Variants in TRIM38 observed in about 807,000 individuals in gnomAD.
TRIM38 encodes the protein E3 ubiquitin-protein ligase TRIM38.
TRIM38 carries 35 observed loss-of-function variants against 35.8 expected under a neutral mutation model. The ratio of observed to expected loss-of-function variants is 0.98; its 90% CI spans 0.75 to 1.30. The LOEUF (loss-of-function observed/expected upper bound fraction) is 1.30, where lower values mean the gene tolerates loss of function less well. Among genes scored for constraint, TRIM38 ranks in the 50% most tolerant of loss-of-function variants. The probability of loss-of-function intolerance (pLI) is 0.00; values close to 1 mark genes in which losing one functional copy is unlikely to be tolerated. For synonymous variants in TRIM38, 198 were observed against 204.7 expected, an observed-to-expected ratio of 0.97 and a Z score of 0.28; for missense variants, 545 against 556.9, an observed-to-expected ratio of 0.98 and a Z score of 0.21.
chr6:25,973,031 C>A, intron 5 of TRIM38, 23 bp from the exon 6 acceptor site: 2 of 1,614,074 alleles, frequency 1.2e-6, no homozygotes, highest in South Asian at 2.2e-5. Flanking sequence ...CCATGCTCAC[C>A]TTTTCTTTTT....
At position 25,969,422 on chromosome 6, in the gene TRIM38, T is replaced by C. The variant is rs762209733; in HGVS notation, c.507+2T>C. 6 of 1,604,632 alleles carry C rather than the reference T, an allele frequency of 3.7e-6. No homozygotes were observed. In the Admixed American group the frequency reaches 6.8e-5, roughly 18 times the overall value. On this transcript the variant is annotated splice_donor_variant, in intron 4 of 7. Coordinates refer to ENST00000357085, the MANE Select transcript of TRIM38 (RefSeq NM_006355.5). LOFTEE classifies it high-confidence loss of function. Reference sequence around the variant, plus strand: ...GCAATGCGAATAACTAAATGGAAAGTAAGAATCTGACTTCATTGATCTCAA... The same window carrying C: ...GCAATGCGAATAACTAAATGGAAAGCAAGAATCTGACTTCATTGATCTCAA...
Position 25,983,154 on chromosome 6 carries a change from T to G in TRIM38, c.875-10T>G. 6.5e-7 allele frequency: 1 copy of G among 1,546,664 alleles called. No homozygotes were observed. Among genetic ancestry groups the G allele is most frequent in the Non-Finnish European group, 8.7e-7 (1 of 1,148,564 alleles). On this transcript the variant is annotated splice_polypyrimidine_tract_variant and intron_variant, in intron 7 of 7. Coordinates refer to ENST00000357085, the MANE Select transcript of TRIM38 (RefSeq NM_006355.5). Reference sequence around the variant, plus strand: ...AAAATTATTTTTGTTTGTTTTGTTTTGTTTTGCAGTTAGTGTGACTCTGGA... The same window carrying G: ...AAAATTATTTTTGTTTGTTTTGTTTGGTTTTGCAGTTAGTGTGACTCTGGA...
intron 2 of TRIM38, among the ~76,000 whole-genome samples, chr6:25,963,576 G>C (rs747994122): frequency 1.3e-5 from 2 of 152,150 alleles, no homozygotes; most frequent in Admixed American, 6.5e-5. Flanking sequence ...TCTTGAGATA[G>C]GTCCTGTCCT....
chr6:25,977,364 T>C (rs1157002654), intron 7 of TRIM38, among the ~76,000 whole-genome samples: 1 of 152,160 alleles, frequency 6.6e-6, no homozygotes, highest in African/African-American at 2.4e-5. Context: ...GCAACAGAGC[T>C]AGACCCTGTC....
chr6:25,971,045 C>T (rs1235695185), intron 4 of TRIM38, among the ~76,000 whole-genome samples: 2 of 152,190 alleles, frequency 1.3e-5, no homozygotes, highest in African/African-American at 4.8e-5. Context: ...TATGGACCCT[C>T]TTACCAGCCT....
intron 7 of TRIM38, among the ~76,000 whole-genome samples, chr6:25,978,910 G>A (rs1760471473): frequency 6.6e-6 from 1 of 151,862 alleles, no homozygotes. Flanking sequence ...TCAAGTGATT[G>A]ACCCGCCTCA....
In TRIM38 at chr6:25,988,948, T is replaced by G. The variant is rs547310742; in HGVS notation, c.*5261T>G. 6.6e-6 allele frequency: 1 copy of G among 152,334 alleles called. No individual in the cohort carries two copies. Among genetic ancestry groups the G allele is most frequent in the East Asian group, 1.9e-4 (1 of 5,188 alleles). 9.4% of individuals were successfully genotyped at this position (152,334 alleles called of 1,614,324 possible). A position where few individuals can be genotyped will look rare whatever the true frequency, so the allele number is the denominator to read the frequency against. ...GGAGTGTGATTGGTGAATCTTATGG[T>G]AAAAGTATGGTTACTTTTGTAAGAA... On this transcript the variant is annotated 3_prime_UTR_variant, in exon 8 of 8. Coordinates refer to ENST00000357085, the MANE Select transcript of TRIM38 (RefSeq NM_006355.5).
In TRIM38 at chr6:25,983,677, C is replaced by T; in HGVS notation, c.1388C>T (p.Pro463Leu). ...YQYSPLFLPP[P>L]GD is the part of the protein sequence containing the mutation. ...TATTCTCCTTTGTTTCTGCCTCCCC[C>T]AGGTGACTAAGGAAAAGAGCAGAAG... Residue 463 changes from proline (P) to leucine (L), a missense_variant, in exon 8 of 8, where the codon CCA becomes CTA. Coordinates refer to ENST00000357085, the MANE Select transcript of TRIM38 (RefSeq NM_006355.5). 6.3e-7 allele frequency: 1 copy of T among 1,582,016 alleles called. No individual in the cohort carries two copies. Among genetic ancestry groups the T allele is most frequent in the Non-Finnish European group, 8.6e-7 (1 of 1,166,620 alleles).
chr6:25,980,911 T>C (rs1307265942), intron 7 of TRIM38, among the ~76,000 whole-genome samples: 1 of 152,240 alleles, frequency 6.6e-6, no homozygotes, highest in East Asian at 1.9e-4. Flanking sequence ...TACCACCCCG[T>C]AAACATTTTA....
rs1427448577 is a variant in TRIM38, at chr6:25,983,876, G to C, written c.*189G>C. ...TTAGCAACTAAAAATACCACAGATG[G>C]TTAACCTGGACTGGGGCAAAGCAAG... On this transcript the variant is annotated 3_prime_UTR_variant, in exon 8 of 8. Coordinates refer to ENST00000357085, the MANE Select transcript of TRIM38 (RefSeq NM_006355.5). 1 of 566,500 alleles carries C rather than the reference G, an allele frequency of 1.8e-6. No homozygotes were observed. The highest frequency in any genetic ancestry group is 3.0e-6 in the Non-Finnish European group (1 of 333,556). The allele number at this position is 566,500 out of a possible 1,614,324, so 35.1% of individuals were successfully genotyped here.
chr6:25,982,758 A>C (rs1044838710), intron 7 of TRIM38, among the ~76,000 whole-genome samples: 4 of 152,262 alleles, frequency 2.6e-5, no homozygotes, highest in Admixed American at 2.6e-4. Flanking sequence ...TATAAGAAAC[A>C]ATAGTTGGGT....
rs1018241511 is a variant in TRIM38 at position 25,964,279 on chromosome 6, T to C, written c.-189+997T>C. 3.3e-5 allele frequency among the ~76,000 whole-genome samples: 5 copies of C among 152,284 alleles called. No individual in the cohort carries two copies. The South Asian group carries it at 6.2e-4, about 19-fold the overall frequency. ...ATGTATGTATGTATAAATATGTATGTATACTGTATAAATATGTATGTATAA... is the reference window on the plus strand; with the variant it reads ...ATGTATGTATGTATAAATATGTATGCATACTGTATAAATATGTATGTATAA... On this transcript the variant is annotated intron_variant, in intron 2 of 7. Transcript: ENST00000357085.
intron 7 of TRIM38, among the ~76,000 whole-genome samples, chr6:25,978,527 C>T (rs554262314): frequency 2.6e-5 from 4 of 151,660 alleles, no homozygotes; most frequent in East Asian, 1.9e-4. Flanking sequence ...TTTGTTTTTT[C>T]GAGACAGGCT....
chr6:25,985,074 A>C lies in TRIM38; in HGVS notation c.*1387A>C, dbSNP rs891375187. 10 of 152,306 alleles carry C rather than the reference A, an allele frequency of 6.6e-5. No individual in the cohort carries two copies. The highest frequency in any genetic ancestry group is 1.2e-4 in the Non-Finnish European group (8 of 68,046). The allele number at this position is 152,306 out of a possible 1,614,324, so 9.4% of individuals were successfully genotyped here. A position where few individuals can be genotyped will look rare whatever the true frequency, so the allele number is the denominator to read the frequency against. ...GTAAGTAGTAAGTGAAGGGTAGCAG[A>C]ATATGCCATCTTTGGCATAAGAAGT... On this transcript the variant is annotated 3_prime_UTR_variant, in exon 8 of 8. Coordinates refer to ENST00000357085, the MANE Select transcript of TRIM38 (RefSeq NM_006355.5).
rs756190343 is a variant in TRIM38, at chr6:25,966,783, G to A, written c.261G>A (p.Thr87=). 8.7e-6 allele frequency: 14 copies of A among 1,614,158 alleles called. No individual in the cohort carries two copies. Among genetic ancestry groups the A allele is most frequent in the Non-Finnish European group, 1.2e-5 (14 of 1,180,020 alleles). The change falls in exon 3 of 8, where the codon ACG becomes ACA. Residue 87 remains threonine, a synonymous_variant. Coordinates refer to ENST00000357085, the MANE Select transcript of TRIM38 (RefSeq NM_006355.5). ...LGSLIEALKE[T]DQEMSCEEHG... is the part of the protein sequence containing the mutation. ...GCCTCATTGAAGCCCTCAAAGAGACGGATCAAGAAATGTCATGTGAGGAAC... is the reference window on the plus strand; with the variant it reads ...GCCTCATTGAAGCCCTCAAAGAGACAGATCAAGAAATGTCATGTGAGGAAC...
chr6:25,969,494 A>T, intron 4 of TRIM38, 74 bp downstream of exon 4: 1 of 1,242,644 alleles, frequency 8.0e-7, no homozygotes, highest in Non-Finnish European at 1.1e-6. Flanking sequence ...ATTGAGGAAA[A>T]GCACAATGAG....
rs1408170450 is a variant in TRIM38, at chr6:25,962,853, T to C, written c.-425T>C. On this transcript the variant is annotated splice_region_variant and 5_prime_UTR_variant, in exon 1 of 8. Coordinates refer to ENST00000357085, the MANE Select transcript of TRIM38 (RefSeq NM_006355.5). ...AGCAACAGAGGGGACTAGCAGCGAATATGTAAGTGTCTGAGCAGTGAAGGT... is the reference window on the plus strand; with the variant it reads ...AGCAACAGAGGGGACTAGCAGCGAACATGTAAGTGTCTGAGCAGTGAAGGT... 1 of 152,278 alleles carries C rather than the reference T, an allele frequency of 6.6e-6. No homozygotes were observed. Among genetic ancestry groups the C allele is most frequent in the Non-Finnish European group, 1.5e-5 (1 of 68,084 alleles). The allele number at this position is 152,278 out of a possible 1,614,324, so 9.4% of individuals were successfully genotyped here.
intron 7 of TRIM38, among the ~76,000 whole-genome samples, chr6:25,975,893 G>T (rs1030027844): frequency 6.6e-6 from 1 of 152,074 alleles, no homozygotes; most frequent in South Asian, 2.1e-4. Flanking sequence ...CTTATATCCT[G>T]GTGCTTTCAT....
rs1760644206 is a variant in TRIM38, at chr6:25,983,995, C to G, written c.*308C>G. 3 of 237,736 alleles carry G rather than the reference C, an allele frequency of 1.3e-5. No homozygotes were observed. 14.7% of individuals were successfully genotyped at this position (237,736 alleles called of 1,614,324 possible). ...GTCTTCAGGTGATGAGTAGGGGTAC[C>G]CACAAGTCAGAAGGTCTGCGTTCTC... On this transcript the variant is annotated 3_prime_UTR_variant, in exon 8 of 8. Coordinates refer to ENST00000357085, the MANE Select transcript of TRIM38 (RefSeq NM_006355.5).
Sources: allele counts gnomAD v4.1 joint callset (sites outside exome capture counted in the v4.1 genomes callset), GRCh38; gene constraint gnomAD v4.1.1; transcripts MANE v1.5; gene names NCBI Gene and HGNC (gene_info 2026-07-23, HGNC 2026-07-21).